PRKCE: variants seen among roughly 807,000 people sequenced by gnomAD.
PRKCE encodes the protein protein kinase C epsilon.
A neutral mutation model predicts 85.4 loss-of-function variants in PRKCE; 16 were observed. That is an observed-to-expected ratio of 0.19 (90% confidence interval 0.13 to 0.28). PRKCE has a LOEUF of 0.28. PRKCE is among the 10% of genes least tolerant of loss of function. The pLI is 1.00. For synonymous variants in PRKCE, 388 were observed against 371.5 expected (o/e 1.04, Z -0.51); for missense variants, 573 against 975.2 (o/e 0.59, Z 5.49).
chr2:45,900,698 G>C (rs1041892543), intron 2 of PRKCE, among the ~76,000 whole-genome samples: 4 of 152,138 alleles, frequency 2.6e-5, no homozygotes, highest in Non-Finnish European at 5.9e-5. Context: ...TGGTGGTAAT[G>C]GTTTCACAAC....
At chr2:45,878,953 TTA>T (rs1314416726) in intron 2 of PRKCE, among the ~76,000 whole-genome samples, 13 of 152,216 alleles carry the variant, frequency 8.5e-5, no homozygotes, top group Non-Finnish European at 7.3e-5. Flanking sequence ...CATAAAATAA[TTA>T]TGATAGGGAC....
intron 1 of PRKCE, among the ~76,000 whole-genome samples, chr2:45,715,189 G>A (rs1423687620): frequency 6.6e-6 from 1 of 152,232 alleles, no homozygotes; most frequent in East Asian, 1.9e-4. Flanking sequence ...ATGACGCTGT[G>A]CAGCGCACCG....
chr2:45,853,317 G>T (rs1384324762), intron 2 of PRKCE, among the ~76,000 whole-genome samples: 1 of 152,192 alleles, frequency 6.6e-6, no homozygotes, highest in Non-Finnish European at 1.5e-5. Context: ...GTTCTTCCAA[G>T]ATGAGAACAA....
rs1680358359 is a variant in PRKCE, at chr2:46,185,065, G to A, written c.*184G>A. ...TCCTCCCCCTCCCACCTGGTGACCAGAAGGCGCTCTCGGTTCTTGTCTCAC... is the reference window on the plus strand; with the variant it reads ...TCCTCCCCCTCCCACCTGGTGACCAAAAGGCGCTCTCGGTTCTTGTCTCAC... On this transcript the variant is annotated 3_prime_UTR_variant, in exon 15 of 15. Transcript: ENST00000306156. This position sits in a 1 kb window ranked among gnomAD's most constrained non-coding sequence, Gnocchi z 4.7. 1 of 749,572 alleles carries A rather than the reference G, an allele frequency of 1.3e-6. No individual in the cohort carries two copies. The highest frequency in any genetic ancestry group is 2.1e-6 in the Non-Finnish European group (1 of 473,516). 46.4% of individuals were successfully genotyped at this position (749,572 alleles called of 1,614,324 possible).
chr2:45,664,574 G>T (rs1675825273), intron 1 of PRKCE, among the ~76,000 whole-genome samples: 1 of 152,116 alleles, frequency 6.6e-6, no homozygotes. Flanking sequence ...CAGGAGTTGG[G>T]TTTGCTATAT....
intron 2 of PRKCE, among the ~76,000 whole-genome samples, chr2:45,921,248 T>A (rs1464526572): frequency 1.3e-5 from 2 of 152,242 alleles, no homozygotes; most frequent in African/African-American, 4.8e-5. Context: ...AAGAGGAGAC[T>A]TGTCCAGAGA....
intron 1 of PRKCE, among the ~76,000 whole-genome samples, chr2:45,782,298 G>GT (rs1266322619): frequency 2.0e-5 from 3 of 152,114 alleles, no homozygotes; most frequent in Admixed American, 6.5e-5. Context: ...CTGTCCTTAG[G>GT]TTTTTTCAGG....
intron 1 of PRKCE, among the ~76,000 whole-genome samples, chr2:45,763,964 A>C (rs1684715444): frequency 6.6e-6 from 1 of 152,108 alleles, no homozygotes; most frequent in African/African-American, 2.4e-5. Flanking sequence ...TTCCCTTCCC[A>C]GTCCTCTGCC....
intron 2 of PRKCE, among the ~76,000 whole-genome samples, chr2:45,901,458 G>A (rs1177401431): frequency 6.6e-6 from 1 of 152,174 alleles, no homozygotes; most frequent in Non-Finnish European, 1.5e-5. Context: ...GGAAAGACTT[G>A]TGCCTTTTAG....
intron 1 of PRKCE, among the ~76,000 whole-genome samples, chr2:45,655,471 A>G (rs1318005371): frequency 2.0e-5 from 3 of 152,080 alleles, no homozygotes; most frequent in Non-Finnish European, 4.4e-5. Context: ...ACCCTGATGT[A>G]GACACTTAAC....
intron 2 of PRKCE, among the ~76,000 whole-genome samples, chr2:45,949,402 G>GTTTTTTTT (rs35033431): frequency 8.4e-6 from 1 of 118,746 alleles, no homozygotes; most frequent in Non-Finnish European, 1.7e-5. Flanking sequence ...TATTTTGCTT[G>GTTTTTTTT]TTTTTTTTTT....
intron 1 of PRKCE, among the ~76,000 whole-genome samples, chr2:45,817,753 G>T (rs1689197613): frequency 6.6e-6 from 1 of 152,172 alleles, no homozygotes; most frequent in Non-Finnish European, 1.5e-5. Context: ...GCTTTGCTAG[G>T]TTCAGTGGCC....
At chr2:46,122,559 T>G (rs1478462461) in intron 11 of PRKCE, among the ~76,000 whole-genome samples, 1 of 152,192 alleles carries the variant, frequency 6.6e-6, no homozygotes, top group Non-Finnish European at 1.5e-5. Flanking sequence ...CTGACCTTAG[T>G]GATGAAATAT....
intron 10 of PRKCE, among the ~76,000 whole-genome samples, chr2:46,065,057 T>A (rs1228167199): frequency 1.3e-5 from 2 of 152,214 alleles, no homozygotes; most frequent in African/African-American, 2.4e-5. Flanking sequence ...TCAAAATATT[T>A]AAATTATTCC....
At chr2:45,920,448 G>A (rs1364556866) in intron 2 of PRKCE, among the ~76,000 whole-genome samples, 1 of 152,196 alleles carries the variant, frequency 6.6e-6, no homozygotes, top group Non-Finnish European at 1.5e-5. Flanking sequence ...ACAGAGACCT[G>A]TGCATGCATA....
At chr2:45,912,794 A>C (rs576343215) in intron 2 of PRKCE, among the ~76,000 whole-genome samples, 35 of 152,244 alleles carry the variant, frequency 2.3e-4, no homozygotes, top group African/African-American at 8.2e-4. Context: ...GAAATGACAA[A>C]ATAGACTTAG....
intron 1 of PRKCE, among the ~76,000 whole-genome samples, chr2:45,725,730 C>G (rs907699507): frequency 1.3e-5 from 2 of 151,944 alleles, no homozygotes; most frequent in Non-Finnish European, 2.9e-5. Context: ...ACTTGGGAGG[C>G]TGAGGCAGGA....
chr2:45,898,051 A>C (rs1355913929), intron 2 of PRKCE, among the ~76,000 whole-genome samples: 3 of 152,246 alleles, frequency 2.0e-5, no homozygotes, highest in African/African-American at 7.2e-5. Context: ...AGTGCACACC[A>C]GGCACAGGCG....
chr2:46,031,798 C>G (rs1176001479), intron 10 of PRKCE, among the ~76,000 whole-genome samples: 1 of 152,160 alleles, frequency 6.6e-6, no homozygotes, highest in Non-Finnish European at 1.5e-5. Context: ...CCATCATGCT[C>G]CTCCTCTCAG....
Sources: allele counts gnomAD v4.1 joint callset (sites outside exome capture counted in the v4.1 genomes callset), GRCh38; gene constraint gnomAD v4.1.1; non-coding constraint Gnocchi (gnomAD v3.1); transcripts MANE v1.5; gene names NCBI Gene and HGNC (gene_info 2026-07-23, HGNC 2026-07-21).